PASD1: variants seen among roughly 807,000 people sequenced by gnomAD.
PASD1 encodes PAS domain containing repressor 1.
A neutral mutation model predicts 58.8 loss-of-function variants in PASD1; 13 were observed. The observed-to-expected ratio is 0.22, with a 90% CI of 0.14 to 0.35. PASD1 has a LOEUF of 0.35. Ranked by LOEUF, PASD1 falls within the 10% of genes least tolerant of loss-of-function variation. PASD1 has a pLI of 1.00. For missense variants in PASD1, 734 were observed against 568.3 expected (o/e 1.29, Z -2.96); for synonymous variants, 236 against 216.7 (o/e 1.09, Z -0.78).
chrX:151,601,497 T>C, intron 1 of PASD1, 30 bp from the exon 2 acceptor site: 7 of 1,107,895 alleles, frequency 6.3e-6, no homozygotes, highest in Non-Finnish European at 8.7e-6. Context: ...ACTGATCTCT[T>C]AGTAAAATGT....
intron 1 of PASD1, among the ~76,000 whole-genome samples, chrX:151,584,032 T>C (rs1414841209): frequency 1.8e-5 from 2 of 111,783 alleles, no homozygotes; most frequent in East Asian, 2.8e-4. Context: ...ACATTCCTAG[T>C]GAGCAGAAGG....
Position 151,582,141 on chromosome X carries a change from C to T in PASD1, c.-28+18302C>T, listed in dbSNP as rs776616351. On this transcript the variant is annotated intron_variant, in intron 1 of 15. Coordinates refer to ENST00000370357, the MANE Select transcript of PASD1 (RefSeq NM_173493.3). ...AGCTGGGATTACAGGTGTGTGTCAC[C>T]ACGCCCGGCTAATTTTTTGTATTTT... is the stretch of plus-strand genomic sequence containing the variant. Among the ~76,000 whole-genome samples, 3 of 109,387 alleles carry T rather than the reference C, an allele frequency of 2.7e-5. No homozygotes were observed. In the South Asian group the frequency reaches 1.2e-3, roughly 45 times the overall value. 95.0% of individuals were successfully genotyped at this position (109,387 alleles called of 115,157 possible). A position where few individuals can be genotyped will look rare whatever the true frequency, so the allele number is the denominator to read the frequency against.
chrX:151,667,781 T>C (rs1477030006), intron 11 of PASD1, among the ~76,000 whole-genome samples: 2 of 112,157 alleles, frequency 1.8e-5, no homozygotes, highest in African/African-American at 6.5e-5. Flanking sequence ...TTGGTTACTG[T>C]AGCCTTGTGG....
At chrX:151,574,743 A>C (rs1474090645) in intron 1 of PASD1, among the ~76,000 whole-genome samples, 1 of 112,360 alleles carries the variant, frequency 8.9e-6, no homozygotes, top group African/African-American at 3.2e-5. Flanking sequence ...CAAGAATACT[A>C]TTTGCCTAAA....
chrX:151,576,052 G>T (rs1602902861), intron 1 of PASD1, among the ~76,000 whole-genome samples: 1 of 104,911 alleles, frequency 9.5e-6, no homozygotes, highest in African/African-American at 3.5e-5. Flanking sequence ...ATTTTTAGAA[G>T]GGATAGGGTT....
intron 1 of PASD1, among the ~76,000 whole-genome samples, chrX:151,567,094 A>AAAT (rs1443549420): frequency 1.0e-5 from 1 of 95,880 alleles, no homozygotes; most frequent in Non-Finnish European, 2.1e-5. Flanking sequence ...ATAAATAAAT[A>AAAT]AAATAAAATA....
At chrX:151,625,320 A>G in intron 7 of PASD1, 128 bp from the exon 8 acceptor site, 1 of 460,902 alleles carries the variant, frequency 2.2e-6, no homozygotes, top group Non-Finnish European at 3.7e-6. Flanking sequence ...ACTCCAGTGC[A>G]TTTCTCACAT....
At chrX:151,585,426 CT>C (rs1401446749) in intron 1 of PASD1, among the ~76,000 whole-genome samples, 2 of 111,869 alleles carry the variant, frequency 1.8e-5, no homozygotes, top group Admixed American at 9.5e-5. Context: ...CAGGGGAAGG[CT>C]TTAAGTGGAA....
intron 1 of PASD1, among the ~76,000 whole-genome samples, chrX:151,593,320 T>C (rs2013274212): frequency 9.1e-6 from 1 of 110,400 alleles, no homozygotes; most frequent in African/African-American, 3.3e-5. Context: ...TAGGTATACA[T>C]GTGTCATATT....
intron 8 of PASD1, among the ~76,000 whole-genome samples, chrX:151,637,788 A>G (rs1425401281): frequency 8.9e-6 from 1 of 111,789 alleles, no homozygotes; most frequent in East Asian, 2.8e-4. Context: ...CATTCCCCCT[A>G]AGGACTAATA....
intron 10 of PASD1, among the ~76,000 whole-genome samples, chrX:151,662,591 A>G (rs2014325232): frequency 9.0e-6 from 1 of 111,171 alleles, no homozygotes; most frequent in Admixed American, 9.6e-5. Context: ...ATGCAACCAT[A>G]TACAACCATC....
At chrX:151,667,050 T>C (rs2014392746) in intron 11 of PASD1, among the ~76,000 whole-genome samples, 1 of 111,464 alleles carries the variant, frequency 9.0e-6, no homozygotes, top group African/African-American at 3.3e-5. Context: ...GCATTTGTTG[T>C]TTCCTGACTT....
chrX:151,635,880 T>C (rs2013924512), intron 8 of PASD1, among the ~76,000 whole-genome samples: 1 of 111,568 alleles, frequency 9.0e-6, no homozygotes, highest in African/African-American at 3.2e-5. Flanking sequence ...TTAAGTGTTT[T>C]CACTACAAAA....
At chrX:151,595,878 A>G (rs776820744) in intron 1 of PASD1, among the ~76,000 whole-genome samples, 21 of 111,590 alleles carry the variant, frequency 1.9e-4, no homozygotes, top group African/African-American at 6.8e-4. Flanking sequence ...ACTTAATGAG[A>G]CCACTTTATT....
intron 8 of PASD1, among the ~76,000 whole-genome samples, chrX:151,633,086 T>C (rs1227102604): frequency 1.8e-5 from 2 of 111,715 alleles, no homozygotes; most frequent in African/African-American, 6.5e-5. Context: ...ATTTCTTCAA[T>C]ATTCTTTTTA....
chrX:151,619,201 T>TATTGAGTTTGAGAG (rs1421323849), intron 4 of PASD1, among the ~76,000 whole-genome samples: 2 of 111,383 alleles, frequency 1.8e-5, no homozygotes, highest in Admixed American at 1.9e-4. Context: ...ATGGACTGGA[T>TATTGAGTTTGAGAG]ATTGAGTTTG....
intron 10 of PASD1, among the ~76,000 whole-genome samples, chrX:151,660,267 G>A (rs187859982): frequency 7.2e-5 from 8 of 111,741 alleles, no homozygotes; most frequent in South Asian, 3.7e-4. Context: ...AAGATATTTC[G>A]TAACCGTAAT....
intron 4 of PASD1, among the ~76,000 whole-genome samples, chrX:151,618,171 T>C (rs1463452103): frequency 8.9e-6 from 1 of 112,074 alleles, no homozygotes; most frequent in Non-Finnish European, 1.9e-5. Flanking sequence ...TAGATTAAGG[T>C]AATATTTCTA....
intron 11 of PASD1, among the ~76,000 whole-genome samples, chrX:151,665,862 CTGTG>C (rs966717594): frequency 3.9e-5 from 4 of 102,901 alleles, no homozygotes; most frequent in Admixed American, 2.1e-4. Context: ...GTGTGTGTGT[CTGTG>C]TGGGTGTGTA....
Sources: gnomAD v4.1 joint callset for allele counts (sites outside exome capture counted in the v4.1 genomes callset) on GRCh38, gnomAD v4.1.1 for gene constraint, MANE v1.5 for transcripts, NCBI Gene and HGNC (gene_info 2026-07-23, HGNC 2026-07-21) for gene names.